The following SYN3 variants were observed in gnomAD, a reference collection of about 807,000 sequenced individuals.
The protein encoded by SYN3 is synapsin-3.
In SYN3, 35 loss-of-function variants were observed where a neutral mutation model predicts 65.8. The ratio of observed to expected loss-of-function variants is 0.53; its 90% CI spans 0.41 to 0.70. The LOEUF is 0.70. Ranked by LOEUF, SYN3 falls within the 30% of genes least tolerant of loss-of-function variation. The pLI is 0.00. For missense variants in SYN3, 680 were observed against 749.0 expected, an observed-to-expected ratio of 0.91 and a Z score of 1.08; for synonymous variants, 270 against 292.9, an observed-to-expected ratio of 0.92 and a Z score of 0.80.
At chr22:32,737,607 T>C (rs1417381779) in intron 6 of SYN3, among the ~76,000 whole-genome samples, 1 of 152,168 alleles carries the variant, frequency 6.6e-6, no homozygotes, top group African/African-American at 2.4e-5. Flanking sequence ...AGAATGATGG[T>C]TTCCAGCTTC....
intron 12 of SYN3, among the ~76,000 whole-genome samples, chr22:32,525,419 A>G (rs1207893243): frequency 2.0e-5 from 3 of 152,124 alleles, no homozygotes; most frequent in Non-Finnish European, 2.9e-5. Flanking sequence ...TAAAGATGCT[A>G]TGAAGGGGCC....
chr22:32,638,086 CA>C (rs1388024409), intron 6 of SYN3, among the ~76,000 whole-genome samples: 1 of 152,164 alleles, frequency 6.6e-6, no homozygotes, highest in Non-Finnish European at 1.5e-5. Flanking sequence ...TACTGTTCTG[CA>C]TTAACTTCCT....
At chr22:32,614,305 G>C (rs867216979) in intron 6 of SYN3, among the ~76,000 whole-genome samples, 11 of 152,218 alleles carry the variant, frequency 7.2e-5, no homozygotes, top group Non-Finnish European at 1.6e-4. Flanking sequence ...TGCAGCCGAT[G>C]GATGTGTGTG....
At chr22:32,619,227 A>T (rs1436161198) in intron 6 of SYN3, among the ~76,000 whole-genome samples, 1 of 152,228 alleles carries the variant, frequency 6.6e-6, no homozygotes, top group Non-Finnish European at 1.5e-5. Flanking sequence ...CTACCTAACC[A>T]TATGATCGTG....
Position 32,980,681 on chromosome 22 carries a change from C to T in SYN3, c.333G>A (p.Lys111=), listed in dbSNP as rs753960944. 6.2e-7 allele frequency: 1 copy of T among 1,614,028 alleles called. No homozygotes were observed. Among genetic ancestry groups the T allele is most frequent in the South Asian group, 1.1e-5 (1 of 91,068 alleles). The part of the protein sequence containing the change: ...HTDWSKYFHG[K]KVNGEIEIRV... ...GGATCTCAATCTCTCCATTCACCTT[C>T]TTCCCATGGAAATACTTCGACCTGT... The change falls in exon 3 of 14, where the codon AAG becomes AAA. Residue 111 remains lysine, a synonymous_variant. Coordinates refer to ENST00000358763, the MANE Select transcript of SYN3 (RefSeq NM_003490.4).
chr22:32,700,078 A>AT (rs370864545), intron 6 of SYN3, among the ~76,000 whole-genome samples: 1 of 152,058 alleles, frequency 6.6e-6, no homozygotes, highest in Non-Finnish European at 1.5e-5. Context: ...ACAATCGAAA[A>AT]TTTCTGCCTG....
intron 6 of SYN3, among the ~76,000 whole-genome samples, chr22:32,659,152 C>G (rs375984626): frequency 2.0e-5 from 3 of 152,032 alleles, no homozygotes; most frequent in Admixed American, 2.0e-4. Context: ...AAGGGCTAAG[C>G]AGGAAGGGAT....
intron 2 of SYN3, among the ~76,000 whole-genome samples, chr22:32,990,914 A>C (rs767732641): frequency 6.6e-6 from 1 of 151,846 alleles, no homozygotes; most frequent in African/African-American, 2.4e-5. Context: ...GGCTGGGCGC[A>C]GTGGCTCACG....
chr22:32,979,852 C>T (rs2052319768), intron 3 of SYN3, among the ~76,000 whole-genome samples: 1 of 152,138 alleles, frequency 6.6e-6, no homozygotes, highest in Non-Finnish European at 1.5e-5. Flanking sequence ...ACCAAGGTCA[C>T]AAGGTTAGTA....
At chr22:32,909,542 A>G (rs2049992528) in intron 4 of SYN3, among the ~76,000 whole-genome samples, 1 of 152,124 alleles carries the variant, frequency 6.6e-6, no homozygotes, top group Admixed American at 6.6e-5. Flanking sequence ...TTGCTCTCCC[A>G]GGGTCTTGAA....
chr22:32,925,601 T>G (rs2050446814), intron 4 of SYN3, among the ~76,000 whole-genome samples: 1 of 152,228 alleles, frequency 6.6e-6, no homozygotes, highest in African/African-American at 2.4e-5. Context: ...ATTCTTGTGT[T>G]CAGGCAGCAT....
At chr22:32,522,424 G>A (rs1197442924) in intron 12 of SYN3, among the ~76,000 whole-genome samples, 2 of 152,086 alleles carry the variant, frequency 1.3e-5, no homozygotes, top group Admixed American at 6.6e-5. Flanking sequence ...GTTTTAAAAC[G>A]GCTCTGTTCA....
intron 6 of SYN3, among the ~76,000 whole-genome samples, chr22:32,760,988 C>A (rs574094214): frequency 7.9e-5 from 12 of 152,286 alleles, no homozygotes; most frequent in African/African-American, 2.9e-4. Flanking sequence ...CTCAACCTCC[C>A]ATTTCCAGTC....
At chr22:32,753,804 AG>A (rs767281880) in intron 6 of SYN3, among the ~76,000 whole-genome samples, 18 of 151,964 alleles carry the variant, frequency 1.2e-4, no homozygotes, top group Non-Finnish European at 1.9e-4. Flanking sequence ...TGAGAGAGCC[AG>A]GGGGGTCACC....
chr22:32,909,868 C>T (rs2050006673), intron 4 of SYN3, among the ~76,000 whole-genome samples: 1 of 152,144 alleles, frequency 6.6e-6, no homozygotes, highest in Admixed American at 6.5e-5. Context: ...GTCGGTCGGC[C>T]TGGGACTGGG....
At chr22:32,909,244 C>T (rs2049984115) in intron 4 of SYN3, among the ~76,000 whole-genome samples, 1 of 152,222 alleles carries the variant, frequency 6.6e-6, no homozygotes, top group Non-Finnish European at 1.5e-5. Flanking sequence ...TAACTCCACT[C>T]TCTGAGCTTT....
intron 4 of SYN3, among the ~76,000 whole-genome samples, chr22:32,924,120 C>T (rs966159198): frequency 2.6e-5 from 4 of 152,200 alleles, no homozygotes; most frequent in Admixed American, 2.0e-4. Flanking sequence ...CACGTCTTTG[C>T]TATTGTGACT....
intron 3 of SYN3, among the ~76,000 whole-genome samples, chr22:32,979,920 G>A (rs2052323418): frequency 6.6e-6 from 1 of 152,084 alleles, no homozygotes; most frequent in Non-Finnish European, 1.5e-5. Flanking sequence ...GCTCAAATGT[G>A]CTCTCCTAAG....
At chr22:32,767,577 A>G (rs1374272512) in intron 6 of SYN3, among the ~76,000 whole-genome samples, 1 of 152,214 alleles carries the variant, frequency 6.6e-6, no homozygotes, top group Admixed American at 6.5e-5. Context: ...TGACTAGGTA[A>G]GGGAATTCTA....
Sources: gnomAD v4.1 joint callset for allele counts (sites outside exome capture counted in the v4.1 genomes callset) on GRCh38, gnomAD v4.1.1 for gene constraint, MANE v1.5 for transcripts, NCBI Gene and HGNC (gene_info 2026-07-23, HGNC 2026-07-21) for gene names.